ADAM32: variants seen among roughly 807,000 people sequenced by gnomAD.
ADAM32 encodes ADAM metallopeptidase domain 32.
In ADAM32, 89 loss-of-function variants were observed where a neutral mutation model predicts 114.9. The observed-to-expected ratio is 0.77, with a 90% CI of 0.65 to 0.92. The LOEUF (loss-of-function observed/expected upper bound fraction) is 0.92, where lower values mean the gene tolerates loss of function less well. Among genes scored for constraint, ADAM32 ranks in the 40% least tolerant of loss-of-function variants. The pLI, the probability that ADAM32 is intolerant of heterozygous loss-of-function variation, is 0.00. For missense variants in ADAM32, 870 were observed against 932.8 expected (o/e 0.93, Z 0.88); for synonymous variants, 285 against 307.5 (o/e 0.93, Z 0.77).
At chr8:39,148,738 G>T (rs1048485639) in intron 4 of ADAM32, among the ~76,000 whole-genome samples, 10 of 152,070 alleles carry the variant, frequency 6.6e-5, no homozygotes, top group African/African-American at 2.4e-4. Context: ...TCATCATTTT[G>T]CTTTATTGCT....
At chr8:39,121,515 G>C (rs1840590158) in intron 2 of ADAM32, among the ~76,000 whole-genome samples, 1 of 151,998 alleles carries the variant, frequency 6.6e-6, no homozygotes, top group East Asian at 1.9e-4. Flanking sequence ...CGGGTTGATG[G>C]GTGCAGCAAA....
chr8:39,212,266 G>A (rs987534140), intron 12 of ADAM32, among the ~76,000 whole-genome samples: 6 of 151,786 alleles, frequency 4.0e-5, no homozygotes, highest in African/African-American at 1.5e-4. Flanking sequence ...CACCTGCCTC[G>A]GCCTCCCAAA....
At position 39,270,748 on chromosome 8, in the gene ADAM32, C is replaced by T. The variant is rs79175299; in HGVS notation, c.2163-128C>T. 10,408 of 743,146 alleles carry T rather than the reference C, an allele frequency of 0.014. 806 individuals carry two copies. In the African/African-American group the frequency reaches 0.17, roughly 12 times the overall value. The allele number at this position is 743,146 out of a possible 1,614,324, so 46.0% of individuals were successfully genotyped here. On this transcript the variant is annotated intron_variant, in intron 19 of 24. Transcript: ENST00000379907. ...GCATCTGTGTTCATTGACCTTTGGA[C>T]AATATTTTATTTTTTAATAATTAGT...
At chr8:39,223,325 A>C in intron 14 of ADAM32, 87 bp downstream of exon 14, 2 of 875,988 alleles carry the variant, frequency 2.3e-6, no homozygotes, top group Non-Finnish European at 3.2e-6. Flanking sequence ...TATATATAAA[A>C]TGTGGAATGT....
chr8:39,147,828 C>T (rs1188189235), intron 4 of ADAM32, among the ~76,000 whole-genome samples: 1 of 152,094 alleles, frequency 6.6e-6, no homozygotes, highest in Admixed American at 6.6e-5. Context: ...GGCTAGAGTG[C>T]AATGGTGCGA....
At chr8:39,214,051 T>C (rs967959036) in intron 12 of ADAM32, among the ~76,000 whole-genome samples, 9 of 152,206 alleles carry the variant, frequency 5.9e-5, no homozygotes, top group African/African-American at 2.2e-4. Context: ...TACTCCATTG[T>C]GTATATGTAC....
At chr8:39,260,568 T>G (rs1222423571) in intron 19 of ADAM32, among the ~76,000 whole-genome samples, 1 of 152,172 alleles carries the variant, frequency 6.6e-6, no homozygotes, top group Non-Finnish European at 1.5e-5. Context: ...GTTGAGTGTA[T>G]TTTCAACCAT....
intron 1 of ADAM32, among the ~76,000 whole-genome samples, chr8:39,112,992 A>G (rs1840227875): frequency 6.6e-6 from 1 of 152,172 alleles, no homozygotes; most frequent in Admixed American, 6.5e-5. Flanking sequence ...GGTAGAATGT[A>G]TTTCTTCACT....
chr8:39,235,595 A>G (rs1360221850), intron 16 of ADAM32, among the ~76,000 whole-genome samples: 1 of 152,188 alleles, frequency 6.6e-6, no homozygotes, highest in East Asian at 1.9e-4. Flanking sequence ...CTTTTTAATA[A>G]CCCAGACAAT....
intron 20 of ADAM32, among the ~76,000 whole-genome samples, chr8:39,272,113 A>G (rs1211568226): frequency 6.6e-6 from 1 of 151,430 alleles, no homozygotes; most frequent in Non-Finnish European, 1.5e-5. Context: ...AAAAAAAAAA[A>G]AAAAAAAAGA....
chr8:39,227,255 A>C (rs1033825999), intron 14 of ADAM32, among the ~76,000 whole-genome samples: 1 of 152,152 alleles, frequency 6.6e-6, no homozygotes, highest in Non-Finnish European at 1.5e-5. Context: ...CCCACTGGAG[A>C]AACTGAAGGT....
At chr8:39,178,145 T>A (rs1805638222) in intron 10 of ADAM32, among the ~76,000 whole-genome samples, 1 of 152,182 alleles carries the variant, frequency 6.6e-6, no homozygotes, top group Non-Finnish European at 1.5e-5. Context: ...CTCTTTCAGG[T>A]ATCTTAATCA....
intron 3 of ADAM32, among the ~76,000 whole-genome samples, chr8:39,143,523 G>A (rs1366937955): frequency 6.6e-6 from 1 of 152,076 alleles, no homozygotes; most frequent in Non-Finnish European, 1.5e-5. Flanking sequence ...TGTTTGCCTG[G>A]GTATCACCAG....
chr8:39,262,257 A>G (rs7816184), intron 19 of ADAM32, among the ~76,000 whole-genome samples: 11,669 of 150,660 alleles, frequency 0.077, 1,548 homozygotes, highest in African/African-American at 0.27. Context: ...TTTCATTCCT[A>G]TGCATGTGGA....
In ADAM32 at chr8:39,264,507, C is replaced by T. The variant is rs140285885; in HGVS notation, c.2163-6369C>T. ...ATTTGTTCCTTAAAAAAGAAACTTT[C>T]GGTTTTATTGATCTTTTTCCTGGAT... On this transcript the variant is annotated intron_variant, in intron 19 of 24. Coordinates refer to ENST00000379907, the MANE Select transcript of ADAM32 (RefSeq NM_145004.7). 2.8e-3 allele frequency among the ~76,000 whole-genome samples: 419 copies of T among 152,130 alleles called. 2 individuals carry two copies. The highest frequency in any genetic ancestry group is 8.8e-3 in the African/African-American group (364 of 41,534).
intron 18 of ADAM32, among the ~76,000 whole-genome samples, chr8:39,254,778 T>C (rs771377713): frequency 1.3e-5 from 2 of 151,826 alleles, no homozygotes; most frequent in Non-Finnish European, 3.0e-5. Context: ...ATAAGTTCTT[T>C]AGTGGTGATT....
chr8:39,236,346 T>C (rs1486147761), intron 16 of ADAM32, among the ~76,000 whole-genome samples: 1 of 152,182 alleles, frequency 6.6e-6, no homozygotes, highest in Non-Finnish European at 1.5e-5. Context: ...CTTTGAACTG[T>C]GTACTCAGGG....
At chr8:39,270,991 A>T in intron 20 of ADAM32, 77 bp downstream of exon 20, 5 of 1,337,810 alleles carry the variant, frequency 3.7e-6, no homozygotes, top group African/African-American at 2.9e-5. Context: ...TTTATTTCCA[A>T]TTTTTTTTTG....
At chr8:39,242,253 CAT>C (rs558463802) in intron 16 of ADAM32, among the ~76,000 whole-genome samples, 230 of 152,334 alleles carry the variant, frequency 1.5e-3, no homozygotes, top group African/African-American at 4.5e-3. Flanking sequence ...AACTTTCCCA[CAT>C]GTTTCTATTT....
Sources: gnomAD v4.1 joint callset for allele counts (sites outside exome capture counted in the v4.1 genomes callset) on GRCh38, gnomAD v4.1.1 for gene constraint, MANE v1.5 for transcripts, NCBI Gene and HGNC (gene_info 2026-07-23, HGNC 2026-07-21) for gene names.